The following IQSEC1 variants were observed in gnomAD, a reference collection of about 807,000 sequenced individuals.
The protein encoded by IQSEC1 is IQ motif and Sec7 domain ArfGEF 1.
In IQSEC1, 31 loss-of-function variants were observed where a neutral mutation model predicts 91.0. That is an observed-to-expected ratio of 0.34 (90% CI 0.26 to 0.46). The LOEUF (loss-of-function observed/expected upper bound fraction) is 0.46, where lower values mean the gene tolerates loss of function less well. Ranked by LOEUF, IQSEC1 falls within the 20% of genes least tolerant of loss-of-function variation. The probability of loss-of-function intolerance (pLI) is 1.00; values close to 1 mark genes in which losing one functional copy is unlikely to be tolerated. For synonymous variants in IQSEC1, 699 were observed against 662.6 expected (o/e 1.05, Z -0.84); for missense variants, 1,388 against 1,575.6 (o/e 0.88, Z 2.02).
chr3:13,183,305 TATA>T (rs1693877683), intron 1 of IQSEC1, among the ~76,000 whole-genome samples: 1 of 151,964 alleles, frequency 6.6e-6, no homozygotes, highest in South Asian at 2.1e-4. Flanking sequence ...AAGAAATCCA[TATA>T]ATGAGTTTCT....
upstream of IQSEC1, among the ~76,000 whole-genome samples, chr3:13,074,169 A>T (rs768326338): frequency 9.2e-5 from 14 of 152,094 alleles, no homozygotes; most frequent in Non-Finnish European, 2.1e-4. Context: ...GGAGGCAGGG[A>T]CCCCAAGAGA....
chr3:13,166,081 C>A (rs930225381), intron 1 of IQSEC1, among the ~76,000 whole-genome samples: 6 of 152,186 alleles, frequency 3.9e-5, no homozygotes, highest in Admixed American at 1.3e-4. Flanking sequence ...GGCACTCCTA[C>A]AGGAAACTCC....
intron 12 of IQSEC1, among the ~76,000 whole-genome samples, chr3:12,906,026 C>G (rs992999854): frequency 4.6e-5 from 7 of 152,184 alleles, no homozygotes; most frequent in African/African-American, 1.4e-4. Flanking sequence ...CAGCCCCCTT[C>G]CCTCTAACTC....
intron 1 of IQSEC1, among the ~76,000 whole-genome samples, chr3:13,213,255 A>G (rs964179816): frequency 3.9e-5 from 6 of 152,224 alleles, no homozygotes; most frequent in African/African-American, 1.4e-4. Context: ...TTCTTTTAAA[A>G]GTGGATATCT....
At chr3:13,061,700 C>T (rs1705073768) in intron 1 of IQSEC1, among the ~76,000 whole-genome samples, 1 of 152,218 alleles carries the variant, frequency 6.6e-6, no homozygotes, top group Non-Finnish European at 1.5e-5. Context: ...CTGCACACTA[C>T]TGAGGCTGCC....
chr3:13,167,652 G>A (rs1487515704), intron 1 of IQSEC1, among the ~76,000 whole-genome samples: 1 of 152,156 alleles, frequency 6.6e-6, no homozygotes, highest in Non-Finnish European at 1.5e-5. Context: ...GAGAGTCTCT[G>A]GCTGTCCTCA....
Position 12,922,073 on chromosome 3 carries a change from A to G in IQSEC1, c.1853+47T>C. The G allele has an allele frequency of 6.6e-7, 1 of 1,522,236 alleles. No individual in the cohort carries two copies. The highest frequency in any genetic ancestry group is 8.9e-7 in the Non-Finnish European group (1 of 1,126,810). The allele number at this position is 1,522,236 out of a possible 1,614,324, so 94.3% of individuals were successfully genotyped here. ...CATCCTCGGGCCCTGAAGCTGGGGG[A>G]CACCATTCTTCCCTGATGCAGCAGC... On this transcript the variant is annotated intron_variant, in intron 5 of 13. Transcript: ENST00000613206. The surrounding 1 kb of genome is among the most constrained non-coding windows in gnomAD (Gnocchi z 5.1).
intron 2 of IQSEC1, 72 bp downstream of exon 2, chr3:12,941,498 TG>T: frequency 7.2e-7 from 1 of 1,391,724 alleles, no homozygotes; most frequent in Non-Finnish European, 9.6e-7. Context: ...CCACCATGCC[TG>T]GTGGGGGCAC....
chr3:13,181,916 G>A (rs1402223662), intron 1 of IQSEC1, among the ~76,000 whole-genome samples: 4 of 152,166 alleles, frequency 2.6e-5, no homozygotes, highest in Non-Finnish European at 4.4e-5. Context: ...ACTTCCCCAA[G>A]AGCAGTGACT....
chr3:13,205,708 A>T (rs1229958125), intron 1 of IQSEC1, among the ~76,000 whole-genome samples: 4 of 149,308 alleles, frequency 2.7e-5, no homozygotes, highest in African/African-American at 9.9e-5. Flanking sequence ...CCACCCATCC[A>T]GCCACCTATC....
intron 1 of IQSEC1, among the ~76,000 whole-genome samples, chr3:13,042,877 G>A (rs935036454): frequency 6.6e-6 from 1 of 152,210 alleles, no homozygotes; most frequent in Non-Finnish European, 1.5e-5. Context: ...GAGCAGGTAG[G>A]GAGGGGGCCA....
At chr3:13,017,046 G>A (rs1230582468) in intron 1 of IQSEC1, among the ~76,000 whole-genome samples, 2 of 152,174 alleles carry the variant, frequency 1.3e-5, no homozygotes, top group South Asian at 4.1e-4. Flanking sequence ...GCTGTAACAC[G>A]TGCCAGAACT....
At chr3:13,258,369 C>A (rs559066900) in intron 1 of IQSEC1, among the ~76,000 whole-genome samples, 70 of 152,246 alleles carry the variant, frequency 4.6e-4, no homozygotes, top group South Asian at 3.7e-3. Context: ...ACAACAACAA[C>A]AAAAAACCTT....
intron 1 of IQSEC1, among the ~76,000 whole-genome samples, chr3:13,238,115 C>A (rs903645713): frequency 6.6e-6 from 1 of 152,198 alleles, no homozygotes; most frequent in African/African-American, 2.4e-5. Context: ...CCACCGCGTG[C>A]CCCAACCAAC....
intron 1 of IQSEC1, among the ~76,000 whole-genome samples, chr3:13,252,554 A>G (rs2125118038): frequency 6.6e-6 from 1 of 152,272 alleles, no homozygotes; most frequent in African/African-American, 2.4e-5. Context: ...TTTTGGGCAT[A>G]TGCCCACAAG....
At position 13,128,494 on chromosome 3, in the gene IQSEC1, T is replaced by C. The variant is rs567071685; in HGVS notation, c.302+35610A>G. Among the ~76,000 whole-genome samples the C allele has an allele frequency of 5.9e-5, 9 of 152,376 alleles. No homozygotes were observed. The South Asian group carries it at 1.9e-3, about 32-fold the overall frequency. On this transcript the variant is annotated intron_variant, in intron 2 of 15. Coordinates refer to the IQSEC1 transcript ENST00000648114. ...TTAAATACTGAACTAGCCTTGCATGTCTGGAATAAATCCCACTTAGTTGCA... is the reference window on the plus strand; with the variant it reads ...TTAAATACTGAACTAGCCTTGCATGCCTGGAATAAATCCCACTTAGTTGCA...
intron 1 of IQSEC1, among the ~76,000 whole-genome samples, chr3:13,028,041 G>C (rs1703688105): frequency 1.3e-5 from 2 of 152,142 alleles, no homozygotes; most frequent in South Asian, 4.1e-4. Flanking sequence ...CCTCCCCCAG[G>C]AAGCTGCCCA....
chr3:13,271,686 C>T (rs1320340510), intron 1 of IQSEC1, among the ~76,000 whole-genome samples: 1 of 152,148 alleles, frequency 6.6e-6, no homozygotes, highest in Non-Finnish European at 1.5e-5. Context: ...GTCCCAGCTA[C>T]TCATGAGGCT....
At chr3:13,176,550 T>G (rs944066970) in intron 1 of IQSEC1, among the ~76,000 whole-genome samples, 2 of 152,142 alleles carry the variant, frequency 1.3e-5, no homozygotes, top group African/African-American at 4.8e-5. Context: ...AGATCATCAG[T>G]TCCCCCTCCT....
Sources: gnomAD v4.1 joint callset for allele counts (sites outside exome capture counted in the v4.1 genomes callset) on GRCh38, gnomAD v4.1.1 for gene constraint, Gnocchi (gnomAD v3.1) non-coding constraint, MANE v1.5 for transcripts, NCBI Gene and HGNC (gene_info 2026-07-23, HGNC 2026-07-21) for gene names.